The following HCN1 variants were observed in gnomAD, a reference collection of about 807,000 sequenced individuals.
HCN1 encodes potassium/sodium hyperpolarization-activated cyclic nucleotide-gated channel 1.
HCN1 carries 13 observed loss-of-function variants against 78.9 expected under a neutral mutation model. That is an observed-to-expected ratio of 0.16 (90% CI 0.11 to 0.26). The LOEUF (loss-of-function observed/expected upper bound fraction) is 0.26, where lower values mean the gene tolerates loss of function less well. HCN1 is among the 10% of genes least tolerant of loss of function. The pLI, the probability that HCN1 is intolerant of heterozygous loss-of-function variation, is 1.00. For synonymous variants in HCN1, 552 were observed against 455.5 expected (o/e 1.21, Z -2.70); for missense variants, 810 against 1,154.3 (o/e 0.70, Z 4.32).
intron 4 of HCN1, among the ~76,000 whole-genome samples, chr5:45,355,405 C>A (rs1460714676): frequency 6.6e-6 from 1 of 151,950 alleles, no homozygotes; most frequent in Non-Finnish European, 1.5e-5. Flanking sequence ...TCCAGACCTA[C>A]TGAATCAGAA....
intron 4 of HCN1, among the ~76,000 whole-genome samples, chr5:45,367,865 C>T (rs924690732): frequency 2.0e-5 from 3 of 151,784 alleles, no homozygotes; most frequent in African/African-American, 7.2e-5. Flanking sequence ...AATTTAGGGA[C>T]CTAATACAAA....
At chr5:45,297,101 T>C (rs1745511680) in intron 6 of HCN1, among the ~76,000 whole-genome samples, 1 of 152,048 alleles carries the variant, frequency 6.6e-6, no homozygotes, top group African/African-American at 2.4e-5. Context: ...CCCACATATT[T>C]ATTAACAGCA....
At chr5:45,673,126 G>C (rs1746186230) in intron 1 of HCN1, among the ~76,000 whole-genome samples, 1 of 151,338 alleles carries the variant, frequency 6.6e-6, no homozygotes, top group Admixed American at 6.6e-5. Context: ...CACTTTCACA[G>C]TTTGGGGGGT....
At chr5:45,348,462 C>A (rs1160241500) in intron 5 of HCN1, among the ~76,000 whole-genome samples, 2 of 152,108 alleles carry the variant, frequency 1.3e-5, no homozygotes, top group South Asian at 2.1e-4. Context: ...CATCAACTAA[C>A]AAGCAAAATA....
intron 3 of HCN1, among the ~76,000 whole-genome samples, chr5:45,410,327 T>C (rs1739999878): frequency 6.6e-6 from 1 of 152,000 alleles, no homozygotes; most frequent in Non-Finnish European, 1.5e-5. Flanking sequence ...ATCTAATTAT[T>C]ATTGTAATCT....
At chr5:45,551,778 C>G (rs1457401013) in intron 2 of HCN1, among the ~76,000 whole-genome samples, 1 of 151,806 alleles carries the variant, frequency 6.6e-6, no homozygotes, top group East Asian at 1.9e-4. Context: ...GGATTTATAA[C>G]AAAAACAATC....
At chr5:45,693,804 G>GA (rs1186592270) in intron 1 of HCN1, among the ~76,000 whole-genome samples, 1 of 151,478 alleles carries the variant, frequency 6.6e-6, no homozygotes, top group African/African-American at 2.4e-5. Context: ...TCACATTGCT[G>GA]AAAAAATAAA....
chr5:45,262,190 A>G lies in HCN1; in HGVS notation c.2404T>C (p.Ser802Pro), dbSNP rs1461281527. 3 of 1,614,014 alleles carry G rather than the reference A, an allele frequency of 1.9e-6. No homozygotes were observed. The highest frequency in any genetic ancestry group is 2.5e-6 in the Non-Finnish European group (3 of 1,180,024). ...TCGCCCACAGTGGGATGAGGTCTGG[A>G]AATCAGAGTGGACACCTCATGGGGC... Reference protein sequence around the residue: ...SLPHEVSTLISRPHPTVGESL... With the variant: ...SLPHEVSTLIPRPHPTVGESL... The change falls in exon 8 of 8, where the codon TCC becomes CCC. Residue 802 changes from serine to proline, a missense_variant. Physicochemically the swap from Ser to Pro is moderately conservative, Grantham distance 74. Around this residue, in one of 6 missense-constraint regions of HCN1, gnomAD observed 398 missense variants for 381.3 expected, o/e 1.04. Transcript: ENST00000303230.
At chr5:45,309,678 T>C (rs1337868497) in intron 5 of HCN1, among the ~76,000 whole-genome samples, 2 of 152,168 alleles carry the variant, frequency 1.3e-5, no homozygotes, top group Non-Finnish European at 2.9e-5. Flanking sequence ...TATTGATTTG[T>C]GTATGTTGAA....
chr5:45,671,093 TCA>T (rs1746141961), intron 1 of HCN1, among the ~76,000 whole-genome samples: 1 of 151,688 alleles, frequency 6.6e-6, no homozygotes, highest in Non-Finnish European at 1.5e-5. Flanking sequence ...AATAAATTCC[TCA>T]GTTATTTTAG....
chr5:45,680,214 C>T (rs777973928), intron 1 of HCN1, among the ~76,000 whole-genome samples: 9 of 152,148 alleles, frequency 5.9e-5, no homozygotes, highest in Middle Eastern at 3.4e-3. Context: ...ACTTAGAAGA[C>T]GTGCAATTCT....
chr5:45,309,172 T>C (rs1342860246), intron 5 of HCN1, among the ~76,000 whole-genome samples: 2 of 152,178 alleles, frequency 1.3e-5, no homozygotes, highest in Non-Finnish European at 1.5e-5. Context: ...AGCTTGACTG[T>C]TGTTGGTGTA....
At chr5:45,498,949 T>C (rs1447709001) in intron 2 of HCN1, among the ~76,000 whole-genome samples, 1 of 152,170 alleles carries the variant, frequency 6.6e-6, no homozygotes, top group Non-Finnish European at 1.5e-5. Context: ...TTCTCAGATC[T>C]CCAGCTGCGT....
chr5:45,563,455 AAAAT>A (rs1168953636), intron 2 of HCN1, among the ~76,000 whole-genome samples: 1 of 152,060 alleles, frequency 6.6e-6, no homozygotes, highest in Non-Finnish European at 1.5e-5. Context: ...CCATCTCAAA[AAAAT>A]AAATAAATAA....
chr5:45,286,177 T>C (rs1745267224), intron 6 of HCN1, among the ~76,000 whole-genome samples: 1 of 152,002 alleles, frequency 6.6e-6, no homozygotes, highest in Non-Finnish European at 1.5e-5. Flanking sequence ...TCGATAATGA[T>C]AATAATGTTA....
At chr5:45,695,533 G>C (rs1354772776) in intron 1 of HCN1, 136 bp downstream of exon 1, 2 of 826,636 alleles carry the variant, frequency 2.4e-6, no homozygotes, top group African/African-American at 1.7e-5. Flanking sequence ...AGCCTGCTTA[G>C]CCCGAGCCGA....
intron 2 of HCN1, among the ~76,000 whole-genome samples, chr5:45,498,016 A>C (rs1280666513): frequency 6.6e-6 from 1 of 152,080 alleles, no homozygotes; most frequent in Non-Finnish European, 1.5e-5. Flanking sequence ...GCTGCCCTTA[A>C]CATTTTTTCC....
intron 2 of HCN1, among the ~76,000 whole-genome samples, chr5:45,481,116 TA>T (rs1204945065): frequency 6.6e-6 from 1 of 152,168 alleles, no homozygotes; most frequent in Non-Finnish European, 1.5e-5. Flanking sequence ...GCCTACATTT[TA>T]AAAAGGTGAA....
At chr5:45,546,474 G>T (rs1357235419) in intron 2 of HCN1, among the ~76,000 whole-genome samples, 1 of 151,776 alleles carries the variant, frequency 6.6e-6, no homozygotes, top group Non-Finnish European at 1.5e-5. Flanking sequence ...GACACCTAAA[G>T]TGACTTTCCG....
Sources: gnomAD v4.1 joint callset for allele counts (sites outside exome capture counted in the v4.1 genomes callset) on GRCh38, gnomAD v4.1.1 for gene constraint, gnomAD v4.1.1 regional missense constraint, MANE v1.5 for transcripts, NCBI Gene and HGNC (gene_info 2026-07-23, HGNC 2026-07-21) for gene names.